The following SLC36A1 variants were observed in gnomAD, a reference collection of about 807,000 sequenced individuals.
SLC36A1 encodes the protein proton-coupled amino acid transporter 1.
SLC36A1 carries 30 observed loss-of-function variants against 47.5 expected under a neutral mutation model. The observed-to-expected ratio is 0.63, with a 90% CI of 0.47 to 0.86. The LOEUF is 0.86. Among genes scored for constraint, SLC36A1 ranks in the 40% least tolerant of loss-of-function variants. The pLI is 0.00. For missense variants in SLC36A1, 517 were observed against 606.0 expected (o/e 0.85, Z 1.54); for synonymous variants, 255 against 249.7 (o/e 1.02, Z -0.20).
the SLC36A1 span, chr5:151,551,516 T>C: frequency 1.8e-5 from 29 of 1,614,114 alleles, no homozygotes; most frequent in Non-Finnish European, 2.2e-5. Context: ...AGTCAAGTTA[T>C]AGTTCGACCT....
At chr5:151,452,880 AAAG>A (rs1162220776) in intron 1 of SLC36A1, among the ~76,000 whole-genome samples, 4 of 150,204 alleles carry the variant, frequency 2.7e-5, no homozygotes, top group Non-Finnish European at 4.4e-5. Flanking sequence ...AAAAAAAAAA[AAAG>A]AAGACAAAAA....
At chr5:151,482,828 T>C (rs1197353862) in intron 10 of SLC36A1, among the ~76,000 whole-genome samples, 1 of 152,162 alleles carries the variant, frequency 6.6e-6, no homozygotes, top group Non-Finnish European at 1.5e-5. Context: ...AAGGCATATT[T>C]ATAGACATTT....
the SLC36A1 span, among the ~76,000 whole-genome samples, chr5:151,417,776 C>T: frequency 3.3e-5 from 5 of 152,208 alleles, no homozygotes; most frequent in African/African-American, 1.2e-4. Context: ...GGGGGGAATT[C>T]AAGCTGGCTG....
At chr5:151,482,315 C>T (rs1332201788) in intron 10 of SLC36A1, among the ~76,000 whole-genome samples, 2 of 152,124 alleles carry the variant, frequency 1.3e-5, no homozygotes, top group African/African-American at 2.4e-5. Context: ...CATAAGGCCT[C>T]AGGGTCCTCA....
At chr5:151,534,620 G>A in the SLC36A1 span, 15 of 1,612,574 alleles carry the variant, frequency 9.3e-6, no homozygotes, top group Admixed American at 8.3e-5. Flanking sequence ...CTCGGTCTAG[G>A]GCAGTGAGTG....
chr5:151,512,595 T>A, the SLC36A1 span: 1 of 1,604,772 alleles, frequency 6.2e-7, no homozygotes, highest in African/African-American at 1.3e-5. This position sits in a 1 kb window ranked among gnomAD's most constrained non-coding sequence, Gnocchi z 4.1. Flanking sequence ...GCTGGGGCAC[T>A]CCACTGGCCA....
the SLC36A1 span, chr5:151,521,348 G>A: frequency 6.2e-7 from 1 of 1,614,174 alleles, no homozygotes; most frequent in South Asian, 1.1e-5. Context: ...CTGTACGTGG[G>A]CCCAACCTTG....
chr5:151,509,035 A>G, the SLC36A1 span, among the ~76,000 whole-genome samples: 1 of 152,200 alleles, frequency 6.6e-6, no homozygotes, highest in South Asian at 2.1e-4. Flanking sequence ...TCTCTCTAGG[A>G]TTCTAGGAAT....
At chr5:151,444,559 C>T (rs1023507933), upstream of SLC36A1, among the ~76,000 whole-genome samples, 11 of 152,102 alleles carry the variant, frequency 7.2e-5, no homozygotes, top group Non-Finnish European at 1.5e-4. Context: ...GATCTCAGCT[C>T]ACTGCAACCT....
intron 1 of SLC36A1, among the ~76,000 whole-genome samples, chr5:151,455,166 G>A (rs1438388505): frequency 6.6e-6 from 1 of 152,162 alleles, no homozygotes; most frequent in African/African-American, 2.4e-5. Flanking sequence ...TTACTGGCCT[G>A]TAGAGTGGAT....
intron 2 of SLC36A1, among the ~76,000 whole-genome samples, chr5:151,462,718 G>A (rs1415772592): frequency 6.6e-6 from 1 of 151,528 alleles, no homozygotes; most frequent in Non-Finnish European, 1.5e-5. Context: ...GCCTCTTATG[G>A]TGTGGTGTGA....
chr5:151,486,800 A>G (rs1368107611), intron 10 of SLC36A1, among the ~76,000 whole-genome samples: 1 of 152,234 alleles, frequency 6.6e-6, no homozygotes, highest in Non-Finnish European at 1.5e-5. Context: ...AATCTGTCAA[A>G]CTATATTTGA....
At chr5:151,496,624 C>G (rs965794269), downstream of SLC36A1, among the ~76,000 whole-genome samples, 2 of 152,174 alleles carry the variant, frequency 1.3e-5, no homozygotes, top group African/African-American at 4.8e-5. Flanking sequence ...GGCACCATCT[C>G]AGCTCACTGC....
At chr5:151,407,650 C>T in the SLC36A1 span, among the ~76,000 whole-genome samples, 1 of 152,206 alleles carries the variant, frequency 6.6e-6, no homozygotes, top group Non-Finnish European at 1.5e-5. Flanking sequence ...CTCATTAGGG[C>T]CACACAAGCA....
the SLC36A1 span, among the ~76,000 whole-genome samples, chr5:151,428,560 G>T: frequency 6.6e-6 from 1 of 152,142 alleles, no homozygotes; most frequent in Non-Finnish European, 1.5e-5. Context: ...TGCATCCAAG[G>T]TTCCAGAACA....
At chr5:151,382,195 T>A in the SLC36A1 span, 1 of 1,155,176 alleles carries the variant, frequency 8.7e-7, no homozygotes, top group Non-Finnish European at 1.3e-6. Flanking sequence ...GAGCAGCGTC[T>A]GATGTCCTGG....
intron 1 of SLC36A1, among the ~76,000 whole-genome samples, chr5:151,448,593 G>A (rs552564586): frequency 2.0e-5 from 3 of 152,344 alleles, no homozygotes; most frequent in South Asian, 4.1e-4. Flanking sequence ...AGGTGGCTGA[G>A]CCGAGGTTGT....
the SLC36A1 span, among the ~76,000 whole-genome samples, chr5:151,531,053 GA>G: frequency 6.6e-6 from 1 of 152,182 alleles, no homozygotes; most frequent in Non-Finnish European, 1.5e-5. The surrounding 1 kb of genome is among the most constrained non-coding windows in gnomAD (Gnocchi z 5.7). Flanking sequence ...GAGTTTCTGT[GA>G]ACCTGACTTT....
At chr5:151,422,578 A>G in the SLC36A1 span, among the ~76,000 whole-genome samples, 7 of 152,044 alleles carry the variant, frequency 4.6e-5, no homozygotes, top group African/African-American at 1.4e-4. Flanking sequence ...TATTTAAAAA[A>G]TTAGCTGGGC....
Sources: allele counts gnomAD v4.1 joint callset (sites outside exome capture counted in the v4.1 genomes callset), GRCh38; gene constraint gnomAD v4.1.1; non-coding constraint Gnocchi (gnomAD v3.1); transcripts MANE v1.5; gene names NCBI Gene and HGNC (gene_info 2026-07-23, HGNC 2026-07-21).